OTOP1: variants seen among roughly 807,000 people sequenced by gnomAD.
The protein encoded by OTOP1 is otopetrin 1.
OTOP1 carries 59 observed loss-of-function variants against 52.9 expected under a neutral mutation model. The observed-to-expected ratio is 1.12, with a 90% confidence interval of 0.91 to 1.39. The LOEUF (loss-of-function observed/expected upper bound fraction) is 1.39. Among genes scored for constraint, OTOP1 ranks in the 40% most tolerant of loss-of-function variants. The pLI is 0.00. For synonymous variants in OTOP1, 317 were observed against 337.7 expected (o/e 0.94, Z 0.67); for missense variants, 761 against 800.9 (o/e 0.95, Z 0.60).
chr4:4,189,377 C>T (rs1262463609), intron 5 of OTOP1, among the ~76,000 whole-genome samples: 8 of 152,216 alleles, frequency 5.3e-5, no homozygotes, highest in Middle Eastern at 3.2e-3. Flanking sequence ...GTTCACGGAA[C>T]CTACACACTG....
intron 4 of OTOP1, among the ~76,000 whole-genome samples, chr4:4,200,090 A>T (rs1396733083): frequency 2.0e-5 from 3 of 152,236 alleles, no homozygotes; most frequent in Non-Finnish European, 4.4e-5. Context: ...ACTACAAAAA[A>T]ATAACCAAAC....
intron 1 of OTOP1, among the ~76,000 whole-genome samples, chr4:4,224,154 C>G (rs909224563): frequency 6.6e-5 from 10 of 152,072 alleles, no homozygotes; most frequent in African/African-American, 2.4e-4. Context: ...TGAGACCAGT[C>G]TGGCCAACAT....
chr4:4,191,889 C>T (rs1716517332), intron 5 of OTOP1, among the ~76,000 whole-genome samples: 1 of 151,932 alleles, frequency 6.6e-6, no homozygotes, highest in South Asian at 2.1e-4. Flanking sequence ...TCAAGGAACA[C>T]CTTCTAAAAG....
At chr4:4,196,278 G>A (rs1368631664) in intron 5 of OTOP1, among the ~76,000 whole-genome samples, 4 of 152,208 alleles carry the variant, frequency 2.6e-5, no homozygotes, top group Admixed American at 6.5e-5. Flanking sequence ...TTGGCCAGGC[G>A]TGGGAGCTCA....
intron 4 of OTOP1, among the ~76,000 whole-genome samples, chr4:4,200,052 T>C (rs921007443): frequency 6.6e-6 from 1 of 152,210 alleles, no homozygotes; most frequent in African/African-American, 2.4e-5. Flanking sequence ...AAATATATAG[T>C]ATAAAATCAA....
intron 5 of OTOP1, among the ~76,000 whole-genome samples, chr4:4,195,747 G>A (rs1716609780): frequency 1.3e-5 from 2 of 152,320 alleles, no homozygotes; most frequent in South Asian, 4.1e-4. Flanking sequence ...AAGCACTCCT[G>A]ATTGACAGTG....
intron 5 of OTOP1, among the ~76,000 whole-genome samples, chr4:4,190,620 G>C (rs1716480909): frequency 6.6e-6 from 1 of 152,174 alleles, no homozygotes; most frequent in South Asian, 2.1e-4. Context: ...GGTATTCTAA[G>C]TAATCTAGAG....
rs560826153 is a variant in OTOP1 at position 4,193,149 on chromosome 4, G to A, written c.1668+4017C>T. Among the ~76,000 whole-genome samples the A allele has an allele frequency of 3.3e-5, 5 of 152,118 alleles. No homozygotes were observed. The South Asian group carries it at 6.2e-4, about 19-fold the overall frequency. On this transcript the variant is annotated intron_variant, in intron 5 of 5. Transcript: ENST00000296358. ...TGCGTTTAGGATAGAGTCTTGGCTCGCAGGCCCTGTGTGGTCTCCCCTCTG... is the reference window on the plus strand; with the variant it reads ...TGCGTTTAGGATAGAGTCTTGGCTCACAGGCCCTGTGTGGTCTCCCCTCTG...
At chr4:4,216,965 C>T (rs111662888) in intron 1 of OTOP1, among the ~76,000 whole-genome samples, 1 of 152,232 alleles carries the variant, frequency 6.6e-6, no homozygotes, top group Non-Finnish European at 1.5e-5. Context: ...TCTGATTCAG[C>T]AGGTGTGGAC....
chr4:4,196,497 C>T (rs528736105), intron 5 of OTOP1, among the ~76,000 whole-genome samples: 1 of 152,302 alleles, frequency 6.6e-6, no homozygotes, highest in African/African-American at 2.4e-5. Context: ...GCAGAGGTTG[C>T]AGTGAGCCAA....
rs371605463 is a variant in OTOP1 at position 4,197,197 on chromosome 4, A to T, written c.1637T>A (p.Ile546Asn). Residue 546 changes from isoleucine (I) to asparagine (N), a missense_variant, in exon 5 of 6, where the codon ATT (isoleucine) becomes AAT (asparagine). Ile to Asn is a moderately radical substitution (Grantham distance 149). Around this residue, in one of 3 missense-constraint regions of OTOP1, gnomAD observed 632 missense variants for 619.5 expected, o/e 1.02. Coordinates refer to ENST00000296358, the MANE Select transcript of OTOP1 (RefSeq NM_177998.3). The part of the protein sequence containing the change: ...GNAKRKVLRN[I>N]AAFLFLCNIS... ...ATTGCAGAGGAACAAGAAGGCTGCA[A>T]TATTCCTCAGGACTTTTCTCTTGGC... The T allele has an allele frequency of 1.2e-6, 2 of 1,612,502 alleles. No homozygotes were observed. The highest frequency in any genetic ancestry group is 1.1e-5 in the South Asian group (1 of 90,920).
At chr4:4,213,939 A>C (rs1439872785) in intron 1 of OTOP1, among the ~76,000 whole-genome samples, 2 of 152,216 alleles carry the variant, frequency 1.3e-5, no homozygotes, top group Non-Finnish European at 2.9e-5. Flanking sequence ...TAATACAAAA[A>C]TTAGCCTTGG....
intron 1 of OTOP1, among the ~76,000 whole-genome samples, chr4:4,220,929 C>T (rs1344364650): frequency 6.6e-6 from 1 of 152,016 alleles, no homozygotes; most frequent in Admixed American, 6.6e-5. Context: ...GCATCATGAC[C>T]GGCAGCCATC....
At chr4:4,189,466 C>A (rs142647365) in intron 5 of OTOP1, among the ~76,000 whole-genome samples, 2 of 152,186 alleles carry the variant, frequency 1.3e-5, no homozygotes, top group Admixed American at 6.5e-5. Flanking sequence ...TCCTCACTCC[C>A]GCTTCCGGCT....
At position 4,226,484 on chromosome 4, in the gene OTOP1, G is replaced by T. The variant is rs767110647; in HGVS notation, c.381C>A (p.His127Gln). The T allele has an allele frequency of 3.9e-6, 6 of 1,547,390 alleles. No individual in the cohort carries two copies. The highest frequency in any genetic ancestry group is 5.2e-6 in the Non-Finnish European group (6 of 1,155,098). Residue 127 changes from histidine to glutamine, a missense_variant, in exon 1 of 6, where the codon CAC (histidine) becomes CAA (glutamine). Around this residue, in one of 3 missense-constraint regions of OTOP1, gnomAD observed 632 missense variants for 619.5 expected, o/e 1.02. Transcript: ENST00000296358. Reference protein sequence around the residue: ...HRRLFRLKDTHAGAGWLRGSI... With the variant: ...HRRLFRLKDTQAGAGWLRGSI... Reference sequence around the variant, plus strand: ...CACCGCGCAGCCAGCCGGCACCCGCGTGCGTGTCCTTGAGGCGGAAGAGGC... The same window carrying T: ...CACCGCGCAGCCAGCCGGCACCCGCTTGCGTGTCCTTGAGGCGGAAGAGGC...
chr4:4,202,425 C>G, intron 4 of OTOP1, 23 bp downstream of exon 4: 1 of 1,612,194 alleles, frequency 6.2e-7, no homozygotes. Context: ...GCAGAAGGGC[C>G]ACTCACCTCT....
chr4:4,209,585 G>A (rs1224441131), intron 2 of OTOP1, among the ~76,000 whole-genome samples: 2 of 152,174 alleles, frequency 1.3e-5, no homozygotes, highest in Non-Finnish European at 2.9e-5. Flanking sequence ...CCTAGGTGGT[G>A]GTCAGCCTTG....
intron 1 of OTOP1, among the ~76,000 whole-genome samples, chr4:4,220,244 CTGCTGG>C: frequency 6.7e-6 from 1 of 150,346 alleles, no homozygotes; most frequent in Non-Finnish European, 1.5e-5. Context: ...ATATATTTAA[CTGCTGG>C]TAATAAAAAA....
chr4:4,211,728 C>T (rs1358111843), intron 2 of OTOP1, among the ~76,000 whole-genome samples: 1 of 152,034 alleles, frequency 6.6e-6, no homozygotes, highest in Non-Finnish European at 1.5e-5. Flanking sequence ...CACCACTGCA[C>T]TCCACCCTGG....
Sources: gnomAD v4.1 joint callset for allele counts (sites outside exome capture counted in the v4.1 genomes callset) on GRCh38, gnomAD v4.1.1 for gene constraint, gnomAD v4.1.1 regional missense constraint, MANE v1.5 for transcripts, NCBI Gene and HGNC (gene_info 2026-07-23, HGNC 2026-07-21) for gene names.